CD96: variants seen among roughly 807,000 people sequenced by gnomAD.
CD96 encodes the protein CD96 molecule, also known as T-cell surface protein tactile.
Under a neutral mutation model 71.3 loss-of-function variants are expected in CD96, and 70 were observed. That is an observed-to-expected ratio of 0.98 (90% CI 0.81 to 1.20). CD96 has a LOEUF of 1.20. CD96 is among the 50% of genes most tolerant of loss of function. CD96 has a pLI of 0.00. For synonymous variants in CD96, 248 were observed against 233.0 expected (o/e 1.06, Z -0.59); for missense variants, 742 against 677.5 (o/e 1.10, Z -1.06).
At chr3:111,604,427 T>A (rs1937568522) in intron 7 of CD96, among the ~76,000 whole-genome samples, 1 of 152,244 alleles carries the variant, frequency 6.6e-6, no homozygotes, top group South Asian at 2.1e-4. Flanking sequence ...ACTCTTTTCA[T>A]ACCCCTGAGT....
At chr3:111,597,095 C>A (rs1937293543) in intron 5 of CD96, among the ~76,000 whole-genome samples, 1 of 152,204 alleles carries the variant, frequency 6.6e-6, no homozygotes, top group South Asian at 2.1e-4. Flanking sequence ...CAAATCATCA[C>A]ATACATTTAA....
chr3:111,595,988 C>G (rs555593627), intron 5 of CD96, among the ~76,000 whole-genome samples: 1 of 151,716 alleles, frequency 6.6e-6, no homozygotes, highest in African/African-American at 2.4e-5. Flanking sequence ...ATTGTGAAAC[C>G]CTGTCTCTAC....
At chr3:111,659,877 C>T (rs994982871) in intron 14 of CD96, among the ~76,000 whole-genome samples, 1 of 152,206 alleles carries the variant, frequency 6.6e-6, no homozygotes, top group African/African-American at 2.4e-5. Flanking sequence ...GAACATACAT[C>T]AAAATAATAG....
At position 111,542,212 on chromosome 3, in the gene CD96, C is replaced by A. The variant is rs758098274; in HGVS notation, c.-37C>A. 3 of 1,591,288 alleles carry A rather than the reference C, an allele frequency of 1.9e-6. No homozygotes were observed. In the African/African-American group the frequency reaches 4.0e-5, roughly 21 times the overall value. On this transcript the variant is annotated 5_prime_UTR_variant, in exon 1 of 14. Coordinates refer to ENST00000352690, the MANE Select transcript of CD96 (RefSeq NM_005816.5). ...TGAAAACATCAATTGACTTTGTGAT[C>A]ATTACAGAAATGCTGGTGTAAGGTG...
chr3:111,600,576 C>G (rs918636422), intron 6 of CD96, 150 bp from the exon 7 acceptor site: 1 of 642,506 alleles, frequency 1.6e-6, no homozygotes, highest in African/African-American at 1.8e-5. Flanking sequence ...AATTTCAGAT[C>G]TGCTGAAATT....
chr3:111,624,247 A>G, intron 9 of CD96, 86 bp from the exon 10 acceptor site: 3 of 895,494 alleles, frequency 3.4e-6, no homozygotes, highest in South Asian at 2.6e-5. Flanking sequence ...CCAAAGTCAC[A>G]TAGATTAAAA....
intron 5 of CD96, among the ~76,000 whole-genome samples, chr3:111,597,788 G>A (rs1200501314): frequency 6.6e-6 from 1 of 151,948 alleles, no homozygotes; most frequent in East Asian, 1.9e-4. Context: ...TCTATTCTTT[G>A]GTTTCCATTT....
At position 111,647,542 on chromosome 3, in the gene CD96, G is replaced by C; in HGVS notation, c.1478-1G>C. 1.9e-6 allele frequency: 3 copies of C among 1,612,074 alleles called. No homozygotes were observed. Among genetic ancestry groups the C allele is most frequent in the Non-Finnish European group, 2.5e-6 (3 of 1,178,342 alleles). ...TTCATCTTTCTTTATGCCCTTTTCA[G>C]GTATTGTGGTCAATAAGCCCAAAGA... On this transcript the variant is annotated splice_acceptor_variant, in intron 12 of 13. Coordinates refer to ENST00000352690, the MANE Select transcript of CD96 (RefSeq NM_005816.5). LOFTEE classifies it high-confidence loss of function.
chr3:111,663,886 C>G (rs1940416557), intron 14 of CD96, among the ~76,000 whole-genome samples: 1 of 151,984 alleles, frequency 6.6e-6, no homozygotes, highest in Non-Finnish European at 1.5e-5. Context: ...GTAGCTGAGA[C>G]TACAGGTGCC....
At chr3:111,646,867 A>G (rs920285697) in intron 12 of CD96, among the ~76,000 whole-genome samples, 9 of 152,190 alleles carry the variant, frequency 5.9e-5, no homozygotes, top group South Asian at 2.1e-4. Flanking sequence ...CATATACACC[A>G]TGGAATACTA....
chr3:111,614,420 A>G (rs945881570), intron 8 of CD96, among the ~76,000 whole-genome samples: 2 of 152,158 alleles, frequency 1.3e-5, no homozygotes, highest in Non-Finnish European at 2.9e-5. Flanking sequence ...GGATGAGGAG[A>G]ATAAAAATTG....
intron 10 of CD96, among the ~76,000 whole-genome samples, chr3:111,627,242 C>G (rs1938816176): frequency 6.6e-6 from 1 of 152,218 alleles, no homozygotes; most frequent in African/African-American, 2.4e-5. Flanking sequence ...CTCCTTGGGA[C>G]AGAGTGCCTT....
chr3:111,545,401 C>G lies in CD96; in HGVS notation c.417C>G (p.His139Gln), dbSNP rs368182013. Residue 139 changes from histidine (H) to glutamine (Q), a missense_variant and splice_region_variant, in exon 2 of 14, where the codon CAC becomes CAG. His to Gln is a conservative substitution (Grantham distance 24, BLOSUM62 0). Transcript: ENST00000352690. ...TCTACAACCTTCTCATTCAGACACA[C>G]GGTAAGCATAACTGGTAGAGGGATG... ...TKIYNLLIQT[H>Q]VTADEWNSNH... 10 of 1,548,948 alleles carry G rather than the reference C, an allele frequency of 6.5e-6. No individual in the cohort carries two copies. The Admixed American group carries it at 1.5e-4, about 23-fold the overall frequency.
chr3:111,655,407 C>T (rs1014892430), downstream of CD96, among the ~76,000 whole-genome samples: 1 of 151,918 alleles, frequency 6.6e-6, no homozygotes, highest in Non-Finnish European at 1.5e-5. Context: ...GACATTTAAA[C>T]AAATATATAC....
rs182298064 is a variant in CD96 at position 111,562,087 on chromosome 3, C to T, written c.419-5436C>T. Among the ~76,000 whole-genome samples the T allele has an allele frequency of 1.1e-3, 170 of 152,356 alleles. No individual in the cohort carries two copies. In the Middle Eastern group the frequency reaches 0.02, roughly 18 times the overall value. ...TCGGCTCCCGCACGGTGCGCGCACC[C>T]ACTGGCCTGCGCCCACTGTCTGGCG... On this transcript the variant is annotated intron_variant, in intron 2 of 13. Transcript: ENST00000352690.
downstream of CD96, among the ~76,000 whole-genome samples, chr3:111,656,945 A>G (rs1940244094): frequency 6.6e-6 from 1 of 152,080 alleles, no homozygotes; most frequent in African/African-American, 2.4e-5. Context: ...ACCTTTCTGT[A>G]TAATTTTGTC....
At chr3:111,563,577 C>T (rs1452408264) in intron 2 of CD96, among the ~76,000 whole-genome samples, 1 of 151,954 alleles carries the variant, frequency 6.6e-6, no homozygotes, top group Admixed American at 6.6e-5. Flanking sequence ...TTCCACGGCC[C>T]TAAAATTGTT....
At chr3:111,543,870 G>C (rs1328501926) in intron 1 of CD96, among the ~76,000 whole-genome samples, 3 of 152,176 alleles carry the variant, frequency 2.0e-5, no homozygotes, top group Admixed American at 1.3e-4. Context: ...ATAATTTACT[G>C]TCTTTGCCTG....
rs990297573 is a variant in CD96 at position 111,651,652 on chromosome 3, G to C, written c.*1846G>C. On this transcript the variant is annotated 3_prime_UTR_variant, in exon 14 of 14. Transcript: ENST00000352690. The stretch of plus-strand genomic sequence containing the variant: ...AATCCCAGCACTTTGGGAGGCCGAG[G>C]TGGGTGGATCACGAGGTCAGGAGAT... 1 of 152,254 alleles carries C rather than the reference G, an allele frequency of 6.6e-6. No homozygotes were observed. The highest frequency in any genetic ancestry group is 2.4e-5 in the African/African-American group (1 of 41,436). 9.4% of individuals were successfully genotyped at this position (152,254 alleles called of 1,614,324 possible).
Sources: gnomAD v4.1 joint callset for allele counts (sites outside exome capture counted in the v4.1 genomes callset) on GRCh38, gnomAD v4.1.1 for gene constraint, MANE v1.5 for transcripts, NCBI Gene and HGNC (gene_info 2026-07-23, HGNC 2026-07-21) for gene names.